GPHN: variants seen among roughly 807,000 people sequenced by gnomAD.
The protein encoded by GPHN is gephyrin.
GPHN carries 17 observed loss-of-function variants against 95.5 expected under a neutral mutation model. The observed-to-expected ratio is 0.18, with a 90% confidence interval of 0.12 to 0.27. The LOEUF is 0.27. GPHN is among the 10% of genes least tolerant of loss of function. The pLI, the probability that GPHN is intolerant of heterozygous loss-of-function variation, is 1.00. For missense variants in GPHN, 660 were observed against 978.1 expected (o/e 0.67, Z 4.34); for synonymous variants, 320 against 322.5 (o/e 0.99, Z 0.08).
At chr14:67,193,308 CTATA>C in the GPHN span, among the ~76,000 whole-genome samples, 1 of 127,250 alleles carries the variant, frequency 7.9e-6, no homozygotes, top group Admixed American at 8.2e-5. Flanking sequence ...CTATATATCT[CTATA>C]TAGATATCTA....
At chr14:67,029,630 C>T (rs543642335) in intron 10 of GPHN, among the ~76,000 whole-genome samples, 176 of 152,338 alleles carry the variant, frequency 1.2e-3, no homozygotes, top group African/African-American at 4.0e-3. Context: ...AGCCACTGCG[C>T]CCAGCCTTAT....
intron 5 of GPHN, among the ~76,000 whole-genome samples, chr14:66,880,275 TAA>T (rs892388972): frequency 1.1e-4 from 16 of 152,210 alleles, no homozygotes; most frequent in African/African-American, 3.1e-4. Flanking sequence ...TCTTAACACT[TAA>T]GTTTGCCCCT....
the GPHN span, chr14:67,272,077 T>C: frequency 8.0e-5 from 12 of 149,222 alleles, no homozygotes; most frequent in Non-Finnish European, 1.5e-4. Flanking sequence ...AAAAAAAAGT[T>C]CAAGGATCCT....
chr14:66,942,873 A>G (rs1165682954), intron 8 of GPHN, among the ~76,000 whole-genome samples: 1 of 152,190 alleles, frequency 6.6e-6, no homozygotes. Flanking sequence ...AATATATTAG[A>G]GGTTTAAAAC....
At chr14:66,916,242 C>G (rs1443913388) in intron 6 of GPHN, among the ~76,000 whole-genome samples, 173 bp downstream of exon 6, 1 of 152,064 alleles carries the variant, frequency 6.6e-6, no homozygotes, top group Non-Finnish European at 1.5e-5. Flanking sequence ...ACATAGAACT[C>G]ACTAAAAACT....
the GPHN span, chr14:67,347,502 C>CA: frequency 4.5e-6 from 5 of 1,112,680 alleles, no homozygotes; most frequent in Non-Finnish European, 6.4e-6. Flanking sequence ...TAAGTTCTCT[C>CA]TTTTTTTTTT....
chr14:67,624,263 T>G, the GPHN span, among the ~76,000 whole-genome samples: 1 of 147,264 alleles, frequency 6.8e-6, no homozygotes, highest in Non-Finnish European at 1.5e-5. Context: ...AATTTGCACT[T>G]TAATGGGAAA....
chr14:66,910,373 G>A (rs980890987), intron 5 of GPHN, among the ~76,000 whole-genome samples: 9 of 151,654 alleles, frequency 5.9e-5, no homozygotes, highest in African/African-American at 2.2e-4. Flanking sequence ...CATCTATTCG[G>A]CCAAAAGAAA....
chr14:66,647,538 G>A (rs2064822495), intron 1 of GPHN, among the ~76,000 whole-genome samples: 1 of 151,928 alleles, frequency 6.6e-6, no homozygotes, highest in South Asian at 2.1e-4. Flanking sequence ...AATCACAGAT[G>A]TTACTGAGCC....
chr14:67,527,284 T>C, the GPHN span, among the ~76,000 whole-genome samples: 1 of 152,192 alleles, frequency 6.6e-6, no homozygotes, highest in East Asian at 1.9e-4. Flanking sequence ...CCTCAGTCTA[T>C]GCATCTATAA....
chr14:66,653,184 C>T (rs553946438), intron 1 of GPHN, among the ~76,000 whole-genome samples: 1 of 152,262 alleles, frequency 6.6e-6, no homozygotes, highest in South Asian at 2.1e-4. Context: ...TTTCTATCAA[C>T]TTTCAGTGTT....
the GPHN span, among the ~76,000 whole-genome samples, chr14:67,543,934 G>C: frequency 1.3e-5 from 2 of 152,150 alleles, no homozygotes; most frequent in African/African-American, 4.8e-5. Flanking sequence ...AACTCTGACA[G>C]CTGATTGAGG....
chr14:67,660,021 A>T, the GPHN span: 1 of 1,201,846 alleles, frequency 8.3e-7, no homozygotes, highest in Non-Finnish European at 1.2e-6. Flanking sequence ...ATTTATTTGG[A>T]CTACACCAAG....
intron 21 of GPHN, among the ~76,000 whole-genome samples, chr14:67,173,024 T>G (rs1364907153): frequency 6.6e-6 from 1 of 152,178 alleles, no homozygotes; most frequent in Non-Finnish European, 1.5e-5. Flanking sequence ...AGCTGTGCCC[T>G]GCCCGCCAGG....
At chr14:66,697,687 TTTCTTTTC>T (rs144302933) in intron 2 of GPHN, among the ~76,000 whole-genome samples, 39,428 of 143,206 alleles carry the variant, frequency 0.28, 8,199 homozygotes, top group African/African-American at 0.59. Flanking sequence ...TTTTTTCTTT[TTTCTTTTC>T]TTTTTTTTTT....
At chr14:67,073,021 T>C (rs2076367155) in intron 11 of GPHN, among the ~76,000 whole-genome samples, 1 of 152,140 alleles carries the variant, frequency 6.6e-6, no homozygotes, top group African/African-American at 2.4e-5. Context: ...TCATCATGCA[T>C]TTTATTTTAT....
chr14:67,545,579 A>G, the GPHN span, among the ~76,000 whole-genome samples: 1 of 152,258 alleles, frequency 6.6e-6, no homozygotes, highest in African/African-American at 2.4e-5. Flanking sequence ...AGTGGCAGAA[A>G]TAAATCCAAA....
intron 2 of GPHN, among the ~76,000 whole-genome samples, chr14:66,770,189 T>G (rs2059114944): frequency 6.6e-6 from 1 of 152,196 alleles, no homozygotes; most frequent in Non-Finnish European, 1.5e-5. Context: ...ATTTTCTTCT[T>G]GTACATTTGT....
intron 9 of GPHN, among the ~76,000 whole-genome samples, chr14:67,007,131 A>G (rs1278359788): frequency 1.3e-5 from 2 of 152,076 alleles, no homozygotes; most frequent in East Asian, 1.9e-4. Context: ...AATGTATACA[A>G]TTTTTACTTG....
Sources: gnomAD v4.1 joint callset for allele counts (sites outside exome capture counted in the v4.1 genomes callset) on GRCh38, gnomAD v4.1.1 for gene constraint, MANE v1.5 for transcripts, NCBI Gene and HGNC (gene_info 2026-07-23, HGNC 2026-07-21) for gene names.